CCPG1: variants seen among roughly 807,000 people sequenced by gnomAD.
The protein encoded by CCPG1 is cell cycle progression 1, also known as cell cycle progression protein 1.
In CCPG1, 46 loss-of-function variants were observed where a neutral mutation model predicts 81.3. That is an observed-to-expected ratio of 0.57 (90% CI 0.45 to 0.72). The LOEUF is 0.72. Ranked by LOEUF, CCPG1 falls within the 30% of genes least tolerant of loss-of-function variation. The pLI, the probability that CCPG1 is intolerant of heterozygous loss-of-function variation, is 0.00. For missense variants in CCPG1, 902 were observed against 937.6 expected, an observed-to-expected ratio of 0.96 and a Z score of 0.50; for synonymous variants, 330 against 305.2, an observed-to-expected ratio of 1.08 and a Z score of -0.85.
chr15:55,385,623 T>C lies in CCPG1; in HGVS notation c.152A>G (p.Gln51Arg). 1.2e-6 allele frequency: 2 copies of C among 1,603,352 alleles called. No homozygotes were observed. The highest frequency in any genetic ancestry group is 1.7e-6 in the Non-Finnish European group (2 of 1,173,994). Residue 51 changes from glutamine to arginine, a missense_variant, in exon 3 of 9, where the codon CAA becomes CGA. Around this residue, in one of 3 missense-constraint regions of CCPG1, gnomAD observed 746 missense variants for 728.6 expected, o/e 1.02. Coordinates refer to ENST00000442196, the MANE Select transcript of CCPG1 (RefSeq NM_001204450.2). ...ACCTCCTTGCTCTATCTGCAATGCT[T>C]GAAGCTCCTCTTGCTCTAAAGATGA... Reference protein sequence around the residue: ...ECSSLEQEELQALQIEQGESS... With the variant: ...ECSSLEQEELRALQIEQGESS...
chr15:55,363,043 A>AAAAAAC (rs1294474462), intron 7 of CCPG1, among the ~76,000 whole-genome samples: 1 of 151,614 alleles, frequency 6.6e-6, no homozygotes, highest in Non-Finnish European at 1.5e-5. Flanking sequence ...CCTGTCTCTT[A>AAAAAAC]AAAAACAAAA....
intron 2 of CCPG1, among the ~76,000 whole-genome samples, chr15:55,387,881 G>A (rs1231702158): frequency 2.0e-5 from 3 of 147,486 alleles, no homozygotes; most frequent in African/African-American, 7.4e-5. Context: ...GCCGGGCACG[G>A]TGGCTCACGC....
intron 1 of CCPG1, among the ~76,000 whole-genome samples, chr15:55,403,194 C>G (rs1314382416): frequency 6.6e-6 from 1 of 152,158 alleles, no homozygotes; most frequent in Non-Finnish European, 1.5e-5. Flanking sequence ...CTGATTTAAT[C>G]TTCACAAATA....
Position 55,371,979 on chromosome 15 carries a change from C to T in CCPG1, c.520G>A (p.Ala174Thr), listed in dbSNP as rs2056458875. The T allele has an allele frequency of 6.2e-7, 1 of 1,614,094 alleles. No individual in the cohort carries two copies. Among genetic ancestry groups the T allele is most frequent in the East Asian group, 2.2e-5 (1 of 44,884 alleles). Residue 174 changes from alanine to threonine, a missense_variant, in exon 6 of 9, where the codon GCC becomes ACC. By Grantham distance (58) the Ala-to-Thr change is moderately conservative. Around this residue, in one of 3 missense-constraint regions of CCPG1, gnomAD observed 746 missense variants for 728.6 expected, o/e 1.02. Coordinates refer to ENST00000442196, the MANE Select transcript of CCPG1 (RefSeq NM_001204450.2). The part of the protein sequence containing the change: ...SDETSNQPSP[A>T]FRRRRARKKT... ...TTCCTAGCACGGCGTCGTCTAAAGG[C>T]AGGACTGGGCTGATTACTGGTTTCA... is the stretch of plus-strand genomic sequence containing the variant.
At chr15:55,406,216 C>CTT (rs35010457) in intron 1 of CCPG1, among the ~76,000 whole-genome samples, 1,452 of 137,020 alleles carry the variant, frequency 0.011, 8 homozygotes, top group Middle Eastern at 0.018. Flanking sequence ...GGAATTGCTG[C>CTT]TTTTTTTTTT....
chr15:55,364,086 TG>T (rs1426901561), intron 7 of CCPG1, among the ~76,000 whole-genome samples: 9 of 150,392 alleles, frequency 6.0e-5, no homozygotes, highest in African/African-American at 2.2e-4. Flanking sequence ...TTTGGGAATT[TG>T]GGAGGTTGCC....
intron 3 of CCPG1, among the ~76,000 whole-genome samples, chr15:55,383,088 T>A (rs1360738459): frequency 2.6e-5 from 4 of 152,224 alleles, no homozygotes; most frequent in Non-Finnish European, 5.9e-5. Flanking sequence ...AAAATGTATT[T>A]ATTAAATAAT....
At chr15:55,385,539 G>C in intron 3 of CCPG1, 61 bp downstream of exon 3, 2 of 806,642 alleles carry the variant, frequency 2.5e-6, no homozygotes, top group Non-Finnish European at 1.9e-6. Context: ...AAGAAGGCAA[G>C]ACTCATAATA....
chr15:55,392,286 A>G (rs965727084), intron 1 of CCPG1, among the ~76,000 whole-genome samples: 1 of 144,888 alleles, frequency 6.9e-6, no homozygotes, highest in African/African-American at 2.6e-5. Flanking sequence ...ATCTCGGCTC[A>G]CCACAACCTC....
At chr15:55,397,026 T>A (rs1310180516) in intron 1 of CCPG1, among the ~76,000 whole-genome samples, 2 of 151,572 alleles carry the variant, frequency 1.3e-5, no homozygotes, top group Non-Finnish European at 2.9e-5. Context: ...ACAGTGAAAC[T>A]CTGTCTCTAC....
At chr15:55,401,120 G>T (rs1381657649) in intron 1 of CCPG1, among the ~76,000 whole-genome samples, 1 of 152,038 alleles carries the variant, frequency 6.6e-6, no homozygotes, top group Non-Finnish European at 1.5e-5. Context: ...TTTAATTCAT[G>T]CATTTGGATT....
chr15:55,382,486 T>C (rs1170283328), intron 3 of CCPG1, among the ~76,000 whole-genome samples: 2 of 152,004 alleles, frequency 1.3e-5, no homozygotes, highest in Non-Finnish European at 2.9e-5. Flanking sequence ...TTACAACAAT[T>C]GGATCACATT....
intron 8 of CCPG1, chr15:55,357,046 A>G: frequency 6.1e-6 from 6 of 985,490 alleles, no homozygotes; most frequent in Non-Finnish European, 7.2e-6. Flanking sequence ...CCTTCCCTAC[A>G]ACCCCATGGA....
At position 55,356,139 on chromosome 15, in the gene CCPG1, A is replaced by C. The variant is rs1323372909; in HGVS notation, c.*81T>G. On this transcript the variant is annotated 3_prime_UTR_variant, in exon 9 of 9. Coordinates refer to ENST00000442196, the MANE Select transcript of CCPG1 (RefSeq NM_001204450.2). ...AAAGAAAAGACATTGTCATCTTGGTAATTTCATTAGTTTCAATACCAAACA... is the reference window on the plus strand; with the variant it reads ...AAAGAAAAGACATTGTCATCTTGGTCATTTCATTAGTTTCAATACCAAACA... The C allele has an allele frequency of 1.0e-6, 1 of 987,746 alleles. No individual in the cohort carries two copies. The highest frequency in any genetic ancestry group is 1.7e-5 in the African/African-American group (1 of 59,696). 61.2% of individuals were successfully genotyped at this position (987,746 alleles called of 1,614,324 possible).
At chr15:55,375,283 CT>C (rs1420848925) in intron 5 of CCPG1, among the ~76,000 whole-genome samples, 1 of 152,094 alleles carries the variant, frequency 6.6e-6, no homozygotes, top group African/African-American at 2.4e-5. Flanking sequence ...TATGTAGTTC[CT>C]TTTACGTCTA....
In CCPG1 at chr15:55,363,865, G is replaced by T. The variant is rs1420701389; in HGVS notation, c.828+1323C>A. Among the ~76,000 whole-genome samples the T allele has an allele frequency of 2.4e-4, 30 of 123,680 alleles. 1 individual carries two copies. Among genetic ancestry groups the T allele is most frequent in the East Asian group, 2.0e-3 (7 of 3,428 alleles). 81.1% of individuals were successfully genotyped at this position (123,680 alleles called of 152,430 possible). On this transcript the variant is annotated intron_variant, in intron 7 of 8. Transcript: ENST00000442196. Reference sequence around the variant, plus strand: ...GTGGCCCAGGCCGGAGTGCAATAGTGTGATCTCAGCTTACTATAACCTCTG... The same window carrying T: ...GTGGCCCAGGCCGGAGTGCAATAGTTTGATCTCAGCTTACTATAACCTCTG...
chr15:55,365,433 T>TTG, intron 6 of CCPG1, 124 bp from the exon 7 acceptor site: 1 of 548,010 alleles, frequency 1.8e-6, no homozygotes, highest in Non-Finnish European at 3.0e-6. Context: ...TTTTTTTTTG[T>TTG]TTTTTTTTTG....
In CCPG1 at chr15:55,371,947, G is replaced by C. The variant is rs772257527; in HGVS notation, c.552C>G (p.Thr184=). 1 of 1,614,154 alleles carries C rather than the reference G, an allele frequency of 6.2e-7. No individual in the cohort carries two copies. Among genetic ancestry groups the C allele is most frequent in the Non-Finnish European group, 8.5e-7 (1 of 1,180,020 alleles). ...GGTCTTCAGATTCTGAAGCAGAAAC[G>C]GTCTTCTTCCTAGCACGGCGTCGTC... ...AFRRRRARKK[T]VSASESEDRL... The change falls in exon 6 of 9, where the codon ACC becomes ACG. Residue 184 remains threonine (T), a synonymous_variant. Coordinates refer to ENST00000442196, the MANE Select transcript of CCPG1 (RefSeq NM_001204450.2).
At chr15:55,359,291 T>G in intron 8 of CCPG1, 1 of 1,180,366 alleles carries the variant, frequency 8.5e-7, no homozygotes, top group Non-Finnish European at 1.0e-6. Flanking sequence ...TATTCTTAAC[T>G]GATTTTTAAG....
Sources: gnomAD v4.1 joint callset for allele counts (sites outside exome capture counted in the v4.1 genomes callset) on GRCh38, gnomAD v4.1.1 for gene constraint, gnomAD v4.1.1 regional missense constraint, MANE v1.5 for transcripts, NCBI Gene and HGNC (gene_info 2026-07-23, HGNC 2026-07-21) for gene names.